The following SLC35F1 variants were observed in gnomAD, a reference collection of about 807,000 sequenced individuals.
The protein encoded by SLC35F1 is chromosome 6 open reading frame 169.
In SLC35F1, 14 loss-of-function variants were observed where a neutral mutation model predicts 48.7. That is an observed-to-expected ratio of 0.29 (90% CI 0.19 to 0.45). The LOEUF (loss-of-function observed/expected upper bound fraction) is 0.45. Among genes scored for constraint, SLC35F1 ranks in the 20% least tolerant of loss-of-function variants. SLC35F1 has a pLI of 1.00. For synonymous variants in SLC35F1, 190 were observed against 202.2 expected (o/e 0.94, Z 0.51); for missense variants, 404 against 500.0 (o/e 0.81, Z 1.83).
At chr6:118,104,894 C>T (rs2114371789) in intron 1 of SLC35F1, among the ~76,000 whole-genome samples, 1 of 152,294 alleles carries the variant, frequency 6.6e-6, no homozygotes, top group East Asian at 1.9e-4. Flanking sequence ...TTCTCAGCAC[C>T]TTGTCCTACA....
rs190712321 is a variant in SLC35F1, at chr6:117,949,469, C to T, written c.173+41570C>T. ...TATTTTTTTCGAGTAGTTATTTCCC[C>T]TCTTTCCAAAAATTTGAATTTAAAG... On this transcript the variant is annotated intron_variant, in intron 1 of 7. Transcript: ENST00000360388. Among the ~76,000 whole-genome samples, 292 of 152,162 alleles carry T rather than the reference C, an allele frequency of 1.9e-3. 1 individual carries two copies. Among genetic ancestry groups the T allele is most frequent in the African/African-American group, 6.8e-3 (281 of 41,510 alleles).
intron 1 of SLC35F1, among the ~76,000 whole-genome samples, chr6:118,035,932 T>C (rs910062013): frequency 1.3e-5 from 2 of 151,932 alleles, no homozygotes. Context: ...GACCTCATGA[T>C]CCGCCCGCCT....
chr6:118,149,392 A>G (rs533122862), intron 1 of SLC35F1, among the ~76,000 whole-genome samples: 4 of 152,218 alleles, frequency 2.6e-5, no homozygotes, highest in East Asian at 1.9e-4. Context: ...CACATCGCCA[A>G]ATGGATTTGT....
intron 7 of SLC35F1, among the ~76,000 whole-genome samples, chr6:118,287,155 C>G (rs542944908): frequency 6.6e-6 from 1 of 152,188 alleles, no homozygotes; most frequent in Non-Finnish European, 1.5e-5. Flanking sequence ...ATATTCCTCT[C>G]GTGCTGCTCC....
chr6:118,015,612 A>G (rs1406983756), intron 1 of SLC35F1, among the ~76,000 whole-genome samples: 4 of 151,918 alleles, frequency 2.6e-5, no homozygotes, highest in Non-Finnish European at 4.4e-5. Flanking sequence ...TGCAAAAGAC[A>G]TGATGTCTTT....
intron 3 of SLC35F1, among the ~76,000 whole-genome samples, chr6:118,249,376 G>A (rs1442514628): frequency 6.6e-6 from 1 of 152,178 alleles, no homozygotes; most frequent in African/African-American, 2.4e-5. Context: ...GCCTAGATGG[G>A]CTCCTTGGAG....
At chr6:118,116,354 C>A (rs529835942) in intron 1 of SLC35F1, among the ~76,000 whole-genome samples, 3 of 152,286 alleles carry the variant, frequency 2.0e-5, no homozygotes, top group Admixed American at 1.3e-4. Context: ...GCTTGCAAAC[C>A]TTTGTAAAGT....
intron 1 of SLC35F1, among the ~76,000 whole-genome samples, chr6:117,936,518 T>G (rs1210859322): frequency 6.6e-6 from 1 of 152,228 alleles, no homozygotes; most frequent in Non-Finnish European, 1.5e-5. Flanking sequence ...TTATCTGGAT[T>G]GTGGTTTTCC....
intron 1 of SLC35F1, among the ~76,000 whole-genome samples, chr6:117,923,718 C>T (rs12207814): frequency 0.036 from 266 of 7,382 alleles, 80 homozygotes; most frequent in Middle Eastern, 0.2. Flanking sequence ...TACATATATA[C>T]ATATATACAT....
chr6:118,058,665 T>C (rs1239781422), intron 1 of SLC35F1, among the ~76,000 whole-genome samples: 1 of 152,232 alleles, frequency 6.6e-6, no homozygotes, highest in African/African-American at 2.4e-5. Flanking sequence ...TAAGTATATT[T>C]TTCTTTCTAA....
In SLC35F1 at chr6:117,988,765, T is replaced by A. The variant is rs146734799; in HGVS notation, c.173+80866T>A. 5.9e-5 allele frequency among the ~76,000 whole-genome samples: 9 copies of A among 152,308 alleles called. No homozygotes were observed. The East Asian group carries it at 9.7e-4, about 16-fold the overall frequency. ...GGTTTCTTAGTTTCTATTATTAAAG[T>A]CCTATTTACAGTAGGAGCAAATGGG... is the stretch of plus-strand genomic sequence containing the variant. On this transcript the variant is annotated intron_variant, in intron 1 of 7. Transcript: ENST00000360388.
At chr6:118,049,623 A>G (rs1254665979) in intron 1 of SLC35F1, among the ~76,000 whole-genome samples, 1 of 151,332 alleles carries the variant, frequency 6.6e-6, no homozygotes, top group African/African-American at 2.4e-5. Flanking sequence ...AATGCTCACT[A>G]TCACTGGCCA....
At chr6:118,302,980 GAA>G (rs5879459) in intron 7 of SLC35F1, among the ~76,000 whole-genome samples, 1 of 145,418 alleles carries the variant, frequency 6.9e-6, no homozygotes, top group Non-Finnish European at 1.5e-5. Flanking sequence ...AGCTTATTTA[GAA>G]AAAAAAAAAA....
intron 1 of SLC35F1, among the ~76,000 whole-genome samples, chr6:118,104,631 CT>C (rs1374773256): frequency 2.0e-5 from 3 of 152,122 alleles, no homozygotes; most frequent in East Asian, 3.8e-4. Context: ...AATGTGGCCC[CT>C]AATGTGATTT....
At chr6:118,190,872 A>G (rs1010729044) in intron 2 of SLC35F1, among the ~76,000 whole-genome samples, 5 of 152,100 alleles carry the variant, frequency 3.3e-5, no homozygotes, top group African/African-American at 1.2e-4. Flanking sequence ...TAAAATATCC[A>G]ATGTTTTCTC....
intron 1 of SLC35F1, among the ~76,000 whole-genome samples, chr6:118,015,270 G>C (rs1777305079): frequency 6.6e-6 from 1 of 152,068 alleles, no homozygotes; most frequent in Admixed American, 6.5e-5. Flanking sequence ...AGCTGGTCTT[G>C]GTTGATCCTC....
chr6:117,988,643 A>C (rs1776878606), intron 1 of SLC35F1, among the ~76,000 whole-genome samples: 1 of 152,232 alleles, frequency 6.6e-6, no homozygotes, highest in Non-Finnish European at 1.5e-5. Context: ...CCTGACCATT[A>C]ACTCTGATTT....
intron 1 of SLC35F1, among the ~76,000 whole-genome samples, chr6:117,921,787 A>G (rs1256821868): frequency 6.6e-6 from 1 of 152,224 alleles, no homozygotes; most frequent in South Asian, 2.1e-4. Context: ...TTCCACAATG[A>G]TGGAAGAAAA....
chr6:118,220,867 G>A (rs144367102), intron 2 of SLC35F1, among the ~76,000 whole-genome samples: 6 of 152,182 alleles, frequency 3.9e-5, no homozygotes, highest in African/African-American at 9.6e-5. Flanking sequence ...TGGCATTGTC[G>A]AATGCCTTCT....
Sources: gnomAD v4.1 joint callset for allele counts (sites outside exome capture counted in the v4.1 genomes callset) on GRCh38, gnomAD v4.1.1 for gene constraint, MANE v1.5 for transcripts, NCBI Gene and HGNC (gene_info 2026-07-23, HGNC 2026-07-21) for gene names.